The following SORCS3 variants were observed in gnomAD, a reference collection of about 807,000 sequenced individuals.
SORCS3 encodes the protein VPS10 domain-containing receptor SorCS3.
A neutral mutation model predicts 146.3 loss-of-function variants in SORCS3; 57 were observed. That is an observed-to-expected ratio of 0.39 (90% CI 0.31 to 0.49). SORCS3 has a LOEUF of 0.49. Among genes scored for constraint, SORCS3 ranks in the 20% least tolerant of loss-of-function variants. The probability of loss-of-function intolerance (pLI) is 0.92; values close to 1 mark genes in which losing one functional copy is unlikely to be tolerated. For synonymous variants in SORCS3, 653 were observed against 618.5 expected (o/e 1.06, Z -0.83); for missense variants, 1,341 against 1,575.5 (o/e 0.85, Z 2.52).
In SORCS3 at chr10:104,841,431, TTGA is replaced by T. The variant is rs549667635; in HGVS notation, c.628-1355_628-1353del. On this transcript the variant is annotated intron_variant, in intron 1 of 26. Transcript: ENST00000369701. ...TACTATTCTACAAATGGCCATGCCA[TTGA>T]TGATGTTTCTTGCCAACCTGCCATT... Among the ~76,000 whole-genome samples, 154 of 152,308 alleles carry T rather than the reference TTGA, an allele frequency of 1.0e-3. 2 individuals carry two copies. The highest frequency in any genetic ancestry group is 3.6e-3 in the African/African-American group (149 of 41,568).
rs73352816 is a variant in SORCS3 at position 105,226,525 on chromosome 10, G to A, written c.2868+3276G>A. 3.4e-3 allele frequency among the ~76,000 whole-genome samples: 518 copies of A among 151,708 alleles called. 3 individuals carry two copies. Among genetic ancestry groups the A allele is most frequent in the African/African-American group, 0.012 (503 of 41,456 alleles). ...TATTGGCCCATAGTTTTCTTTTTTTGTTGAGTTCTTGCCTGGTTTGAGTAT... is the reference window on the plus strand; with the variant it reads ...TATTGGCCCATAGTTTTCTTTTTTTATTGAGTTCTTGCCTGGTTTGAGTAT... On this transcript the variant is annotated intron_variant, in intron 20 of 26. Coordinates refer to ENST00000369701, the MANE Select transcript of SORCS3 (RefSeq NM_014978.3).
At chr10:104,901,074 C>T (rs190153564) in intron 2 of SORCS3, among the ~76,000 whole-genome samples, 128 of 152,214 alleles carry the variant, frequency 8.4e-4, no homozygotes, top group African/African-American at 3.0e-3. Context: ...GTCTTCCTTC[C>T]TTTACTTTGA....
At chr10:105,215,282 G>A (rs560747728) in intron 18 of SORCS3, among the ~76,000 whole-genome samples, 8 of 152,254 alleles carry the variant, frequency 5.3e-5, no homozygotes, top group African/African-American at 1.9e-4. Flanking sequence ...CTATACTAGG[G>A]CATTTTAGGC....
At chr10:105,101,420 A>G (rs2055784273) in intron 6 of SORCS3, among the ~76,000 whole-genome samples, 1 of 152,160 alleles carries the variant, frequency 6.6e-6, no homozygotes, top group African/African-American at 2.4e-5. Flanking sequence ...GCACTTATCC[A>G]ATCTCTATGT....
chr10:104,751,879 A>C (rs1369936344), intron 1 of SORCS3, among the ~76,000 whole-genome samples: 2 of 137,438 alleles, frequency 1.5e-5, no homozygotes. Context: ...TTATTCAATT[A>C]AGTTCTTATA....
At chr10:105,159,245 G>C (rs938788107) in intron 11 of SORCS3, among the ~76,000 whole-genome samples, 1 of 152,176 alleles carries the variant, frequency 6.6e-6, no homozygotes. Context: ...GAAGAGGCCA[G>C]AGTTTCTCTC....
intron 20 of SORCS3, among the ~76,000 whole-genome samples, chr10:105,238,788 A>C (rs2056807486): frequency 6.6e-6 from 1 of 152,172 alleles, no homozygotes; most frequent in Admixed American, 6.5e-5. Flanking sequence ...TCTGTATTTG[A>C]GGGAAAGTGC....
At chr10:105,059,583 G>A (rs1039627205) in intron 5 of SORCS3, among the ~76,000 whole-genome samples, 5 of 152,150 alleles carry the variant, frequency 3.3e-5, no homozygotes, top group Non-Finnish European at 5.9e-5. Flanking sequence ...GGTAGGGGTT[G>A]TTCCAATTTC....
chr10:105,063,339 ATT>A (rs928785178), intron 5 of SORCS3, among the ~76,000 whole-genome samples: 2 of 152,170 alleles, frequency 1.3e-5, no homozygotes, highest in Non-Finnish European at 1.5e-5. Flanking sequence ...AAACACTCTC[ATT>A]TTACAGATAA....
At chr10:105,164,526 G>T (rs952455557) in intron 12 of SORCS3, 147 bp downstream of exon 12, 11 of 672,162 alleles carry the variant, frequency 1.6e-5, no homozygotes, top group African/African-American at 1.4e-4. Context: ...AATTTGGCTG[G>T]CAGGTTAGAG....
chr10:104,836,183 T>C (rs373890621), intron 1 of SORCS3, among the ~76,000 whole-genome samples: 51 of 152,294 alleles, frequency 3.3e-4, no homozygotes, highest in African/African-American at 1.0e-3. Context: ...GTGTGGGCAC[T>C]TCCTCTCACA....
chr10:104,699,918 T>A (rs1215631896), intron 1 of SORCS3, among the ~76,000 whole-genome samples: 2 of 152,210 alleles, frequency 1.3e-5, no homozygotes, highest in East Asian at 3.8e-4. Context: ...CTAGTAGCAA[T>A]TCATTATGAG....
At chr10:104,726,483 G>A (rs1462931565) in intron 1 of SORCS3, among the ~76,000 whole-genome samples, 1 of 152,116 alleles carries the variant, frequency 6.6e-6, no homozygotes, top group African/African-American at 2.4e-5. Flanking sequence ...CCATGAGAGT[G>A]GGGAAGTCTG....
intron 4 of SORCS3, among the ~76,000 whole-genome samples, chr10:105,035,348 T>A (rs181715176): frequency 3.9e-5 from 6 of 152,320 alleles, no homozygotes; most frequent in African/African-American, 1.4e-4. Flanking sequence ...CTGTATTCGT[T>A]TGGCTTTTGG....
At chr10:104,964,697 AT>A (rs1314275545) in intron 3 of SORCS3, among the ~76,000 whole-genome samples, 8 of 151,972 alleles carry the variant, frequency 5.3e-5, no homozygotes, top group African/African-American at 1.9e-4. Flanking sequence ...TTTTATATTT[AT>A]TTTTTACTTT....
At chr10:105,104,896 C>T (rs2055810363) in intron 6 of SORCS3, among the ~76,000 whole-genome samples, 1 of 152,128 alleles carries the variant, frequency 6.6e-6, no homozygotes, top group African/African-American at 2.4e-5. Context: ...ATGCATATAT[C>T]ATAGTTTATT....
chr10:104,866,911 A>C (rs528238848), intron 2 of SORCS3, among the ~76,000 whole-genome samples: 1 of 152,230 alleles, frequency 6.6e-6, no homozygotes, highest in African/African-American at 2.4e-5. Flanking sequence ...CTTTAGGAAG[A>C]TTTTCTTGGG....
intron 5 of SORCS3, among the ~76,000 whole-genome samples, chr10:105,050,036 T>TACACACAC (rs35011679): frequency 5.4e-5 from 8 of 149,318 alleles, no homozygotes; most frequent in African/African-American, 1.7e-4. Context: ...TATATATACA[T>TACACACAC]ACACACACAC....
intron 5 of SORCS3, among the ~76,000 whole-genome samples, chr10:105,084,041 GT>G (rs1172211052): frequency 6.6e-6 from 1 of 152,192 alleles, no homozygotes; most frequent in East Asian, 1.9e-4. Flanking sequence ...CTTTGGGCAA[GT>G]TGTTTAAGCT....
Sources: allele counts gnomAD v4.1 joint callset (sites outside exome capture counted in the v4.1 genomes callset), GRCh38; gene constraint gnomAD v4.1.1; transcripts MANE v1.5; gene names NCBI Gene and HGNC (gene_info 2026-07-23, HGNC 2026-07-21).